ARHGAP18: variants seen among roughly 807,000 people sequenced by gnomAD.
ARHGAP18 encodes the protein Rho GTPase activating protein 18.
In ARHGAP18, 67 loss-of-function variants were observed where a neutral mutation model predicts 86.2. The observed-to-expected ratio is 0.78, with a 90% confidence interval of 0.64 to 0.95. The LOEUF (loss-of-function observed/expected upper bound fraction) is 0.95, where lower values mean the gene tolerates loss of function less well. ARHGAP18 is among the 40% of genes least tolerant of loss of function. ARHGAP18 has a pLI of 0.00. For synonymous variants in ARHGAP18, 283 were observed against 280.4 expected, an observed-to-expected ratio of 1.01 and a Z score of -0.09; for missense variants, 691 against 780.4, an observed-to-expected ratio of 0.89 and a Z score of 1.37.
At chr6:129,627,689 G>C (rs1351269177) in intron 5 of ARHGAP18, among the ~76,000 whole-genome samples, 1 of 151,696 alleles carries the variant, frequency 6.6e-6, no homozygotes, top group East Asian at 1.9e-4. Context: ...GAGAGGGAGA[G>C]AGAAAGAAAC....
intron 5 of ARHGAP18, among the ~76,000 whole-genome samples, chr6:129,625,878 AT>A (rs1202884053): frequency 3.2e-4 from 24 of 74,366 alleles, no homozygotes; most frequent in African/African-American, 9.4e-4. Flanking sequence ...TATATTATAT[AT>A]TTATATATTA....
At chr6:129,606,105 G>C (rs1788848776) in intron 9 of ARHGAP18, 146 bp from the exon 10 acceptor site, 1 of 710,572 alleles carries the variant, frequency 1.4e-6, no homozygotes. Context: ...AAGCCTTGTT[G>C]AGAGTGTGTT....
At chr6:129,651,123 TA>T (rs1773703383) in intron 1 of ARHGAP18, among the ~76,000 whole-genome samples, 1 of 152,164 alleles carries the variant, frequency 6.6e-6, no homozygotes, top group Non-Finnish European at 1.5e-5. Flanking sequence ...GCCTCTAAAA[TA>T]ATTTCTAAGG....
At chr6:129,588,640 G>T (rs1301295197) in intron 12 of ARHGAP18, among the ~76,000 whole-genome samples, 2 of 152,198 alleles carry the variant, frequency 1.3e-5, no homozygotes, top group African/African-American at 2.4e-5. Flanking sequence ...CCTGGGGTCT[G>T]AAGGACAATG....
intron 1 of ARHGAP18, among the ~76,000 whole-genome samples, chr6:129,703,512 G>A (rs1282903715): frequency 6.6e-6 from 1 of 152,212 alleles, no homozygotes; most frequent in Non-Finnish European, 1.5e-5. Flanking sequence ...GTGTGGGTGG[G>A]GATGGTTCTG....
intron 1 of ARHGAP18, among the ~76,000 whole-genome samples, chr6:129,684,112 A>T: frequency 6.6e-6 from 1 of 152,202 alleles, no homozygotes; most frequent in Non-Finnish European, 1.5e-5. Flanking sequence ...GGGGAGAGAG[A>T]TGTCAGTGAT....
At chr6:129,689,565 T>C (rs1010956683) in intron 1 of ARHGAP18, among the ~76,000 whole-genome samples, 1 of 152,152 alleles carries the variant, frequency 6.6e-6, no homozygotes, top group Non-Finnish European at 1.5e-5. Context: ...AGTGCTGAAA[T>C]GGGCATGTAT....
At chr6:129,603,062 C>G (rs13214288) in intron 10 of ARHGAP18, among the ~76,000 whole-genome samples, 99 of 151,306 alleles carry the variant, frequency 6.5e-4, no homozygotes, top group African/African-American at 2.3e-3. Flanking sequence ...AGTTCTTTTG[C>G]GGTGATTTCT....
chr6:129,582,152 GGAT>G (rs1424008053), intron 13 of ARHGAP18, among the ~76,000 whole-genome samples: 2 of 145,438 alleles, frequency 1.4e-5, no homozygotes, highest in Non-Finnish European at 3.0e-5. Flanking sequence ...AGGAAGAGCG[GGAT>G]GAAGATACCC....
In ARHGAP18 at chr6:129,668,330, C is replaced by G. The variant is rs1037795142; in HGVS notation, c.114-26312G>C. ...AATATAAATACAGCATCCTCAACCC[C>G]TAGTCCCCAAACCATCAATTTACCC... On this transcript the variant is annotated intron_variant, in intron 1 of 14. Coordinates refer to ENST00000368149, the MANE Select transcript of ARHGAP18 (RefSeq NM_033515.3). Among the ~76,000 whole-genome samples the G allele has an allele frequency of 1.6e-4, 24 of 150,910 alleles. 1 individual carries two copies. In the South Asian group the frequency reaches 3.8e-3, roughly 24 times the overall value.
chr6:129,696,367 A>G (rs1477483827), intron 1 of ARHGAP18, among the ~76,000 whole-genome samples: 1 of 152,212 alleles, frequency 6.6e-6, no homozygotes, highest in Non-Finnish European at 1.5e-5. Context: ...GGTACTTTAA[A>G]AGAGTGTCTC....
At chr6:129,667,506 T>TGTGTG (rs10671675) in intron 1 of ARHGAP18, among the ~76,000 whole-genome samples, 2 of 109,422 alleles carry the variant, frequency 1.8e-5, no homozygotes, top group Non-Finnish European at 2.0e-5. Flanking sequence ...TGTGTGTGTG[T>TGTGTG]TGTGTATGTG....
chr6:129,629,632 A>C (rs1773151761), intron 4 of ARHGAP18, 110 bp from the exon 5 acceptor site: 1 of 1,125,414 alleles, frequency 8.9e-7, no homozygotes, highest in Non-Finnish European at 1.2e-6. Context: ...TATTTTCTCT[A>C]GGCAATACTT....
intron 1 of ARHGAP18, among the ~76,000 whole-genome samples, chr6:129,704,046 A>G: frequency 6.6e-6 from 1 of 152,224 alleles, no homozygotes; most frequent in East Asian, 1.9e-4. Context: ...GGTATACTAC[A>G]TAGGTTTTTA....
intron 1 of ARHGAP18, among the ~76,000 whole-genome samples, chr6:129,698,163 C>T (rs914519693): frequency 9.2e-5 from 14 of 152,146 alleles, no homozygotes; most frequent in African/African-American, 3.4e-4. Flanking sequence ...ACTGCAAACT[C>T]CTTCAGAGCA....
intron 1 of ARHGAP18, among the ~76,000 whole-genome samples, chr6:129,667,745 C>G (rs1047883626): frequency 2.0e-5 from 3 of 151,968 alleles, no homozygotes; most frequent in Non-Finnish European, 4.4e-5. Context: ...TGGTTCCCAG[C>G]AGGCTCTTGG....
Position 129,616,251 on chromosome 6 carries a change from C to T in ARHGAP18, c.1005G>A (p.Arg335=). 2 of 1,611,764 alleles carry T rather than the reference C, an allele frequency of 1.2e-6. No individual in the cohort carries two copies. The highest frequency in any genetic ancestry group is 1.7e-6 in the Non-Finnish European group (2 of 1,178,744). ...AGGGTATTCGCATTCCTGGTACTTT[C>T]CTCTGATCTTGTTCTAATAGCGCTG... ...PLTALLEQDQ[R]KVPGMRIPLI... The change falls in exon 7 of 15, where the codon AGG becomes AGA. Residue 335 remains arginine (R), a synonymous_variant. Transcript: ENST00000368149.
chr6:129,664,355 G>C (rs1056793140), intron 1 of ARHGAP18, among the ~76,000 whole-genome samples: 3 of 151,914 alleles, frequency 2.0e-5, no homozygotes, highest in African/African-American at 4.8e-5. Flanking sequence ...TACCCTCAAT[G>C]GATCATGGTT....
At chr6:129,693,522 C>T (rs1774562369) in intron 1 of ARHGAP18, among the ~76,000 whole-genome samples, 1 of 152,140 alleles carries the variant, frequency 6.6e-6, no homozygotes, top group Non-Finnish European at 1.5e-5. Flanking sequence ...CCCCTTGGTT[C>T]CTGTGGCCCC....
Sources: gnomAD v4.1 joint callset for allele counts (sites outside exome capture counted in the v4.1 genomes callset) on GRCh38, gnomAD v4.1.1 for gene constraint, MANE v1.5 for transcripts, NCBI Gene and HGNC (gene_info 2026-07-23, HGNC 2026-07-21) for gene names.